The following MDM2 variants were observed in gnomAD, a reference collection of about 807,000 sequenced individuals.
The protein encoded by MDM2 is E3 ubiquitin-protein ligase Mdm2.
In MDM2, 11 loss-of-function variants were observed where a neutral mutation model predicts 64.3. The ratio of observed to expected loss-of-function variants is 0.17; its 90% CI spans 0.11 to 0.28. MDM2 has a LOEUF of 0.28. Ranked by LOEUF, MDM2 falls within the 10% of genes least tolerant of loss-of-function variation. MDM2 has a pLI of 1.00. For missense variants in MDM2, 388 were observed against 577.1 expected, an observed-to-expected ratio of 0.67 and a Z score of 3.36; for synonymous variants, 194 against 192.9, an observed-to-expected ratio of 1.01 and a Z score of -0.05.
chr12:68,847,199 T>C (rs1227203914), downstream of MDM2: 1 of 130,528 alleles, frequency 7.7e-6, no homozygotes, highest in African/African-American at 3.3e-5. Flanking sequence ...GTGTACATTA[T>C]ATATATATAT....
intron 8 of MDM2, among the ~76,000 whole-genome samples, chr12:68,833,149 A>AATATATATATATAT (rs57734852): frequency 2.7e-3 from 180 of 65,936 alleles, no homozygotes; most frequent in African/African-American, 0.01. Flanking sequence ...AAAAAAAAAA[A>AATATATATATATAT]ATATATATAT....
intron 8 of MDM2, among the ~76,000 whole-genome samples, chr12:68,833,032 A>C (rs1436024905): frequency 1.4e-5 from 2 of 145,904 alleles, no homozygotes; most frequent in African/African-American, 5.0e-5. Flanking sequence ...AGGCTGAGGC[A>C]GGAGAATGGC....
intron 7 of MDM2, among the ~76,000 whole-genome samples, chr12:68,826,366 T>C (rs1301361569): frequency 6.6e-6 from 1 of 152,034 alleles, no homozygotes; most frequent in African/African-American, 2.4e-5. Context: ...AAAGCTTAGA[T>C]GGCCTGGTGC....
intron 5 of MDM2, among the ~76,000 whole-genome samples, chr12:68,822,101 C>T (rs1204847937): frequency 6.6e-6 from 1 of 152,176 alleles, no homozygotes; most frequent in Non-Finnish European, 1.5e-5. Flanking sequence ...ATATTCTCAC[C>T]TCGGCCTCCC....
At chr12:68,830,999 C>T (rs1449769297) in intron 8 of MDM2, among the ~76,000 whole-genome samples, 3 of 152,106 alleles carry the variant, frequency 2.0e-5, no homozygotes, top group African/African-American at 7.2e-5. Flanking sequence ...CCTGCCCGGA[C>T]CCCTATTTAA....
At chr12:68,822,819 C>T in intron 5 of MDM2, among the ~76,000 whole-genome samples, 1 of 151,490 alleles carries the variant, frequency 6.6e-6, no homozygotes, top group East Asian at 1.9e-4. Flanking sequence ...CGGATCACTG[C>T]AACCTCTGCT....
chr12:68,816,699 T>C, intron 3 of MDM2, 113 bp from the exon 4 acceptor site: 1 of 935,854 alleles, frequency 1.1e-6, no homozygotes. Flanking sequence ...TACATAGTTG[T>C]GGATATGGTT....
Position 68,808,455 on chromosome 12 carries a change from G to A in MDM2, c.-23G>A. The A allele has an allele frequency of 6.2e-7, 1 of 1,614,048 alleles. No homozygotes were observed. ...AACTGGGGAGTCTTGAGGGACCCCC[G>A]ACTCCAAGCGCGAAAACCCCGGATG... On this transcript the variant is annotated 5_prime_UTR_variant, in exon 1 of 11. Transcript: ENST00000258149.
intron 10 of MDM2, among the ~76,000 whole-genome samples, chr12:68,838,031 A>T (rs1883450024): frequency 6.6e-6 from 1 of 152,208 alleles, no homozygotes; most frequent in South Asian, 2.1e-4. Flanking sequence ...TAAGACTCAA[A>T]TTATTTTAGA....
rs1419934702 is a variant in MDM2, at chr12:68,844,161, AAAAT to A, written c.*4317_*4320del. On this transcript the variant is annotated 3_prime_UTR_variant, in exon 11 of 11. Coordinates refer to ENST00000258149, the MANE Select transcript of MDM2 (RefSeq NM_002392.6). ...TAGGTTCTTTATAGTACACGTGTTG[AAAAT>A]AAATGATTAAGAATTGTTTCAAGAA... 9 of 207,732 alleles carry A rather than the reference AAAAT, an allele frequency of 4.3e-5. No homozygotes were observed. Among genetic ancestry groups the A allele is most frequent in the Middle Eastern group, 1.5e-3 (1 of 666 alleles). 12.9% of individuals were successfully genotyped at this position (207,732 alleles called of 1,614,324 possible).
intron 2 of MDM2, among the ~76,000 whole-genome samples, chr12:68,811,635 T>G (rs2136110425): frequency 6.7e-6 from 1 of 148,246 alleles, no homozygotes; most frequent in Non-Finnish European, 1.5e-5. Flanking sequence ...GACTGAGTCT[T>G]GGTCTGTTGC....
intron 8 of MDM2, 27 bp downstream of exon 8, chr12:68,828,958 A>G: frequency 6.2e-7 from 1 of 1,609,272 alleles, no homozygotes; most frequent in African/African-American, 1.3e-5. Flanking sequence ...AAGTAAGGCA[A>G]GACTCTTACT....
chr12:68,836,749 TGTAAGTA>T lies in MDM2; in HGVS notation c.918+1_918+7del. ...AAGAAGATCCTGAAATTTCCTTAGCTGTAAGTATACATCTACTTTTTTAAGAAATAAA... is the reference window on the plus strand; with the variant it reads ...AAGAAGATCCTGAAATTTCCTTAGCTTACATCTACTTTTTTAAGAAATAAA... On this transcript the variant is annotated splice_donor_variant and splice_donor_5th_base_variant and intron_variant, in intron 10 of 10. Coordinates refer to ENST00000258149, the MANE Select transcript of MDM2 (RefSeq NM_002392.6). LOFTEE classifies it high-confidence loss of function. The T allele has an allele frequency of 6.3e-7, 1 of 1,599,600 alleles. No individual in the cohort carries two copies. The highest frequency in any genetic ancestry group is 8.6e-7 in the Non-Finnish European group (1 of 1,167,398).
At chr12:68,809,023 C>T in intron 1 of MDM2, 185 bp from the exon 2 acceptor site, 1 of 1,482,306 alleles carries the variant, frequency 6.7e-7, no homozygotes, top group Non-Finnish European at 8.9e-7. Context: ...CAGCTGTGTT[C>T]AGTGGCGATT....
downstream of MDM2, chr12:68,848,567 T>A (rs1884486092): frequency 6.6e-6 from 1 of 152,188 alleles, no homozygotes; most frequent in Non-Finnish European, 1.5e-5. Context: ...GTTGATATGG[T>A]GTCAGAATTG....
intron 5 of MDM2, among the ~76,000 whole-genome samples, chr12:68,822,292 C>T (rs1344046086): frequency 1.3e-5 from 2 of 151,546 alleles, no homozygotes; most frequent in African/African-American, 2.4e-5. Context: ...GATTTAAAGC[C>T]CAGAAAAGTA....
chr12:68,821,415 C>T (rs753670742), intron 5 of MDM2, among the ~76,000 whole-genome samples: 40 of 152,126 alleles, frequency 2.6e-4, no homozygotes, highest in Non-Finnish European at 5.4e-4. Context: ...AGCCCATCCT[C>T]GAACTACAGT....
At chr12:68,834,944 C>T (rs1013207740) in intron 8 of MDM2, among the ~76,000 whole-genome samples, 10 of 152,000 alleles carry the variant, frequency 6.6e-5, no homozygotes, top group South Asian at 4.1e-4. Context: ...AGTCCTGAAA[C>T]GAAGAATCAG....
rs200572449 is a variant in MDM2 at position 68,824,696 on chromosome 12, ATTC to A, written c.523+48_523+50del. On this transcript the variant is annotated intron_variant, in intron 7 of 10. Transcript: ENST00000258149. ...TGACGCATTCACACAGCTTTTTGAT[ATTC>A]TTTCTCTAATGAAATTAGTGCTTTT... The A allele has an allele frequency of 6.3e-5, 78 of 1,245,922 alleles. No individual in the cohort carries two copies. In the East Asian group the frequency reaches 1.7e-3, roughly 27 times the overall value. The allele number at this position is 1,245,922 out of a possible 1,614,324, so 77.2% of individuals were successfully genotyped here. A position where few individuals can be genotyped will look rare whatever the true frequency, so the allele number is the denominator to read the frequency against.
Sources: gnomAD v4.1 joint callset for allele counts (sites outside exome capture counted in the v4.1 genomes callset) on GRCh38, gnomAD v4.1.1 for gene constraint, MANE v1.5 for transcripts, NCBI Gene and HGNC (gene_info 2026-07-23, HGNC 2026-07-21) for gene names.